Variants in PPP1R1C observed in about 807,000 individuals in gnomAD.
PPP1R1C encodes the protein protein phosphatase 1 regulatory subunit 1C.
Under a neutral mutation model 17.4 loss-of-function variants are expected in PPP1R1C, and 15 were observed. The ratio of observed to expected loss-of-function variants is 0.86; its 90% confidence interval spans 0.58 to 1.33. The LOEUF (loss-of-function observed/expected upper bound fraction) is 1.33, where lower values mean the gene tolerates loss of function less well. Among genes scored for constraint, PPP1R1C ranks in the 40% most tolerant of loss-of-function variants. PPP1R1C has a pLI of 0.00. For synonymous variants in PPP1R1C, 35 were observed against 43.1 expected (o/e 0.81, Z 0.73); for missense variants, 143 against 130.0 (o/e 1.10, Z -0.48).
At chr2:181,981,134 T>C (rs922738634), upstream of PPP1R1C, among the ~76,000 whole-genome samples, 4 of 151,870 alleles carry the variant, frequency 2.6e-5, no homozygotes, top group Non-Finnish European at 5.9e-5. Context: ...TTCACCGTTT[T>C]AGCCGGGATG....
rs1451865000 is a variant in PPP1R1C at position 182,005,370 on chromosome 2, A to G, written c.142+17471A>G. Among the ~76,000 whole-genome samples, 4 of 152,182 alleles carry G rather than the reference A, an allele frequency of 2.6e-5. No individual in the cohort carries two copies. The East Asian group carries it at 7.7e-4, about 29-fold the overall frequency. Reference sequence around the variant, plus strand: ...ATCTCCGCTCTGACAACTGCTCCACATATAGGGGTTCTAAGGAATAGCTAA... The same window carrying G: ...ATCTCCGCTCTGACAACTGCTCCACGTATAGGGGTTCTAAGGAATAGCTAA... On this transcript the variant is annotated intron_variant, in intron 2 of 4. Transcript: ENST00000682840.
chr2:182,057,873 T>A (rs1308287954), intron 2 of PPP1R1C, among the ~76,000 whole-genome samples: 1 of 152,124 alleles, frequency 6.6e-6, no homozygotes, highest in East Asian at 1.9e-4. Flanking sequence ...AATGTACTCT[T>A]AGGGTGATTT....
chr2:181,987,035 G>T (rs1431370361), intron 1 of PPP1R1C, among the ~76,000 whole-genome samples: 2 of 152,080 alleles, frequency 1.3e-5, no homozygotes, highest in African/African-American at 4.8e-5. Context: ...TGAAATCTGA[G>T]GTAGATGCAC....
rs1265896117 is a variant in PPP1R1C at position 181,976,922 on chromosome 2, G to A, written n.157+1658G>A. Among the ~76,000 whole-genome samples the A allele has an allele frequency of 1.3e-5, 2 of 151,736 alleles. No homozygotes were observed. Among genetic ancestry groups the A allele is most frequent in the Non-Finnish European group, 2.9e-5 (2 of 67,952 alleles). On this transcript the variant is annotated intron_variant and non_coding_transcript_variant, in intron 2 of 5. Transcript: ENST00000464264. This position sits in a 1 kb window ranked among gnomAD's most constrained non-coding sequence, Gnocchi z 4.8. ...GGATGCTGAGGCAGGTGGATCACTT[G>A]AGGCCAGGAGTTCAAGACCAGCCTG...
rs1362226084 is a variant in PPP1R1C, at chr2:182,038,449, AT to A, written c.143-22990del. On this transcript the variant is annotated intron_variant, in intron 2 of 4. Transcript: ENST00000682840. ...TCTGTCTCAATATTTGCATCCTTAT[AT>A]TTGTTTGATATTTTTTATTGACGAC... 5.9e-5 allele frequency among the ~76,000 whole-genome samples: 9 copies of A among 152,090 alleles called. 3 individuals carry two copies. Among genetic ancestry groups the A allele is most frequent in the African/African-American group, 2.2e-4 (9 of 41,500 alleles).
intron 2 of PPP1R1C, among the ~76,000 whole-genome samples, chr2:182,056,898 G>C (rs1687699702): frequency 6.6e-6 from 1 of 152,046 alleles, no homozygotes; most frequent in East Asian, 1.9e-4. Context: ...AGCCACTTAG[G>C]CAATATTTAT....
chr2:182,091,507 C>T (rs544804458), intron 4 of PPP1R1C, among the ~76,000 whole-genome samples: 4 of 151,586 alleles, frequency 2.6e-5, no homozygotes, highest in African/African-American at 7.3e-5. Context: ...AAGGTAAATA[C>T]ACTAGTAAGA....
intron 2 of PPP1R1C, among the ~76,000 whole-genome samples, chr2:182,025,866 A>G (rs1319404090): frequency 6.9e-6 from 1 of 144,664 alleles, no homozygotes; most frequent in African/African-American, 2.7e-5. Flanking sequence ...CCTCTCCAGC[A>G]CCTGTTGTTT....
In PPP1R1C at chr2:182,090,526, C is replaced by T. The variant is rs1339347344; in HGVS notation, c.242-26681C>T. Among the ~76,000 whole-genome samples, 8 of 152,114 alleles carry T rather than the reference C, an allele frequency of 5.3e-5. No individual in the cohort carries two copies. In the East Asian group the frequency reaches 1.5e-3, roughly 29 times the overall value. ...AAGAATTTCTTTCTGCTACAACTTGCTGAACAGAGCATTTAAAACCTTTAA... is the reference window on the plus strand; with the variant it reads ...AAGAATTTCTTTCTGCTACAACTTGTTGAACAGAGCATTTAAAACCTTTAA... On this transcript the variant is annotated intron_variant, in intron 4 of 4. Coordinates refer to ENST00000682840, the MANE Select transcript of PPP1R1C (RefSeq NM_001080545.3).
intron 1 of PPP1R1C, among the ~76,000 whole-genome samples, chr2:181,973,877 C>A (rs1051234897): frequency 6.6e-6 from 1 of 152,042 alleles, no homozygotes; most frequent in African/African-American, 2.4e-5. Context: ...TCCCTGTTTT[C>A]TTTTTAAAAA....
chr2:181,983,097 G>A (rs533513475), upstream of PPP1R1C, among the ~76,000 whole-genome samples: 19 of 152,056 alleles, frequency 1.2e-4, no homozygotes, highest in African/African-American at 2.7e-4. Context: ...CATATACCAC[G>A]TCATCTTAAG....
intron 4 of PPP1R1C, among the ~76,000 whole-genome samples, chr2:182,103,283 T>G (rs1025724242): frequency 1.3e-5 from 2 of 152,258 alleles, no homozygotes; most frequent in Non-Finnish European, 1.5e-5. Flanking sequence ...AGTTATCATT[T>G]TAAGCAAGAA....
At chr2:182,024,177 A>T (rs759860303) in intron 2 of PPP1R1C, among the ~76,000 whole-genome samples, 10 of 152,230 alleles carry the variant, frequency 6.6e-5, no homozygotes, top group Non-Finnish European at 8.8e-5. Context: ...TTAATGATGA[A>T]ATTCACTAAA....
chr2:181,981,639 G>A (rs905876878), upstream of PPP1R1C, among the ~76,000 whole-genome samples: 2 of 152,100 alleles, frequency 1.3e-5, no homozygotes, highest in African/African-American at 4.8e-5. Context: ...TTAATATGAA[G>A]GTTTTGGAGT....
chr2:182,076,401 G>C (rs994113814), intron 4 of PPP1R1C, among the ~76,000 whole-genome samples: 1 of 150,772 alleles, frequency 6.6e-6, no homozygotes, highest in Admixed American at 6.6e-5. Flanking sequence ...AGAAAAAAGG[G>C]ACCAAAAGAG....
At chr2:181,972,513 C>A (rs1685029050) in intron 1 of PPP1R1C, among the ~76,000 whole-genome samples, 1 of 151,642 alleles carries the variant, frequency 6.6e-6, no homozygotes, top group Non-Finnish European at 1.5e-5. Flanking sequence ...AAACACAATA[C>A]ATCAACAAAG....
At chr2:182,067,549 A>T (rs148432218) in intron 4 of PPP1R1C, among the ~76,000 whole-genome samples, 65 of 152,230 alleles carry the variant, frequency 4.3e-4, no homozygotes, top group African/African-American at 1.5e-3. Flanking sequence ...GATCATGGTG[A>T]TTTCCTGGAA....
chr2:182,100,327 T>C (rs1389727576), intron 4 of PPP1R1C, among the ~76,000 whole-genome samples: 1 of 151,770 alleles, frequency 6.6e-6, no homozygotes, highest in Non-Finnish European at 1.5e-5. Context: ...CTAGCCAACA[T>C]GATGAAACCC....
chr2:182,105,750 G>A (rs952014034), intron 4 of PPP1R1C, among the ~76,000 whole-genome samples: 6 of 152,166 alleles, frequency 3.9e-5, no homozygotes, highest in South Asian at 2.1e-4. Flanking sequence ...CAGGAGAAAC[G>A]CAGTAGCTGT....
Sources: allele counts gnomAD v4.1 joint callset (sites outside exome capture counted in the v4.1 genomes callset), GRCh38; gene constraint gnomAD v4.1.1; non-coding constraint Gnocchi (gnomAD v3.1); transcripts MANE v1.5; gene names NCBI Gene and HGNC (gene_info 2026-07-23, HGNC 2026-07-21).